MPPED2: variants seen among roughly 807,000 people sequenced by gnomAD.
MPPED2 encodes the protein metallophosphoesterase MPPED2.
In MPPED2, 5 loss-of-function variants were observed where a neutral mutation model predicts 33.0. That is an observed-to-expected ratio of 0.15 (90% CI 0.08 to 0.32). The LOEUF is 0.32. Among genes scored for constraint, MPPED2 ranks in the 10% least tolerant of loss-of-function variants. The pLI is 1.00. For missense variants in MPPED2, 275 were observed against 372.1 expected (o/e 0.74, Z 2.15); for synonymous variants, 136 against 141.9 (o/e 0.96, Z 0.29).
intron 4 of MPPED2, 53 bp from the exon 5 acceptor site, chr11:30,417,686 T>TGG: frequency 4.9e-6 from 5 of 1,016,808 alleles, no homozygotes; most frequent in Non-Finnish European, 7.8e-6. Flanking sequence ...ACGGCTCCGC[T>TGG]CTGCAATATT....
In MPPED2 at chr11:30,411,435, C is replaced by G. The variant is rs1948097107; in HGVS notation, c.*33G>C. On this transcript the variant is annotated 3_prime_UTR_variant, in exon 7 of 7. Coordinates refer to ENST00000358117, the MANE Select transcript of MPPED2 (RefSeq NM_001584.3). Reference sequence around the variant, plus strand: ...ATTAGAAAAATGGCAGTTTATAGACCTTCCCTCACATTCCAATAGGGCATT... The same window carrying G: ...ATTAGAAAAATGGCAGTTTATAGACGTTCCCTCACATTCCAATAGGGCATT... The G allele has an allele frequency of 6.3e-7, 1 of 1,594,694 alleles. No individual in the cohort carries two copies. The highest frequency in any genetic ancestry group is 1.3e-5 in the African/African-American group (1 of 74,580).
chr11:30,514,175 T>A (rs943415519), intron 3 of MPPED2, among the ~76,000 whole-genome samples: 2 of 152,288 alleles, frequency 1.3e-5, no homozygotes, highest in Middle Eastern at 3.4e-3. Context: ...GGTGAGGGTA[T>A]CTTGATTAGT....
chr11:30,432,716 G>C (rs1257272347), intron 4 of MPPED2, among the ~76,000 whole-genome samples: 4 of 152,074 alleles, frequency 2.6e-5, no homozygotes, highest in Non-Finnish European at 1.5e-5. Context: ...TATTTGAAGA[G>C]TAAAATAAAC....
At chr11:30,556,052 G>A (rs1335185282) in intron 2 of MPPED2, among the ~76,000 whole-genome samples, 1 of 152,090 alleles carries the variant, frequency 6.6e-6, no homozygotes, top group African/African-American at 2.4e-5. Context: ...TGTTCCTTCT[G>A]TAATTCCATG....
intron 4 of MPPED2, among the ~76,000 whole-genome samples, chr11:30,418,482 C>T (rs1209875143): frequency 2.0e-5 from 3 of 152,204 alleles, no homozygotes; most frequent in African/African-American, 7.2e-5. Flanking sequence ...ATCAATTTCT[C>T]TCTGCAAATA....
At chr11:30,508,221 C>T (rs576920931) in intron 3 of MPPED2, among the ~76,000 whole-genome samples, 1 of 152,012 alleles carries the variant, frequency 6.6e-6, no homozygotes, top group African/African-American at 2.4e-5. Context: ...AAGCAAGACA[C>T]AAAAATAAAT....
intron 4 of MPPED2, among the ~76,000 whole-genome samples, chr11:30,445,613 C>T (rs1188798417): frequency 1.3e-5 from 2 of 152,192 alleles, no homozygotes; most frequent in Admixed American, 1.3e-4. Context: ...ATGATAACCC[C>T]CTTCACCCCT....
chr11:30,546,565 T>C (rs1478744370), intron 2 of MPPED2, among the ~76,000 whole-genome samples: 3 of 152,320 alleles, frequency 2.0e-5, no homozygotes, highest in African/African-American at 7.2e-5. Context: ...TAATTGTGCT[T>C]ATTGGAAGTG....
chr11:30,396,687 C>T (rs2133702274), intron 6 of MPPED2, among the ~76,000 whole-genome samples: 1 of 152,206 alleles, frequency 6.6e-6, no homozygotes, highest in South Asian at 2.1e-4. Context: ...CCATTTGAAC[C>T]ATGAGTTTGA....
intron 4 of MPPED2, among the ~76,000 whole-genome samples, chr11:30,456,565 T>C (rs1950287390): frequency 6.6e-6 from 1 of 152,126 alleles, no homozygotes; most frequent in Non-Finnish European, 1.5e-5. Context: ...TGTGTGTGTG[T>C]CTGTGTGTGT....
At chr11:30,409,168 G>A (rs911806407), downstream of MPPED2, among the ~76,000 whole-genome samples, 1 of 152,126 alleles carries the variant, frequency 6.6e-6, no homozygotes, top group Non-Finnish European at 1.5e-5. Context: ...CTATCTCTGG[G>A]AGGCTTGTTT....
At chr11:30,536,966 C>T (rs1171317600) in intron 2 of MPPED2, among the ~76,000 whole-genome samples, 1 of 152,028 alleles carries the variant, frequency 6.6e-6, no homozygotes, top group East Asian at 1.9e-4. Flanking sequence ...TCTACATATA[C>T]GTTAATATAT....
At chr11:30,464,331 T>A (rs962744255) in intron 4 of MPPED2, among the ~76,000 whole-genome samples, 2 of 151,708 alleles carry the variant, frequency 1.3e-5, no homozygotes, top group Non-Finnish European at 2.9e-5. Flanking sequence ...ATTTCAATTT[T>A]AAAAAATTTA....
intron 3 of MPPED2, among the ~76,000 whole-genome samples, chr11:30,528,293 T>C (rs995674648): frequency 2.0e-5 from 3 of 152,186 alleles, no homozygotes; most frequent in African/African-American, 2.4e-5. Context: ...TCTCGCTCTG[T>C]TGCCCAGGCT....
In MPPED2 at chr11:30,522,580, C is replaced by T. The variant is rs1010610459; in HGVS notation, c.310+13414G>A. Among the ~76,000 whole-genome samples the T allele has an allele frequency of 2.6e-5, 4 of 152,138 alleles. No homozygotes were observed. The East Asian group carries it at 7.7e-4, about 29-fold the overall frequency. On this transcript the variant is annotated intron_variant, in intron 3 of 6. Transcript: ENST00000358117. ...TAATTAATCAATGGAGGCCGCCCAC[C>T]AGTGTGAGAAGTGCTGTCTACACAT...
intron 4 of MPPED2, among the ~76,000 whole-genome samples, chr11:30,448,862 G>A (rs1949927014): frequency 6.6e-6 from 1 of 151,880 alleles, no homozygotes; most frequent in African/African-American, 2.4e-5. Flanking sequence ...TCTCCATGTT[G>A]GTCAGGATCT....
chr11:30,486,205 C>T (rs1951735239), intron 4 of MPPED2, among the ~76,000 whole-genome samples: 1 of 152,166 alleles, frequency 6.6e-6, no homozygotes, highest in Non-Finnish European at 1.5e-5. Flanking sequence ...ACAGAAGCAG[C>T]TAAGGCTGGA....
chr11:30,412,463 C>T (rs185379563), intron 6 of MPPED2, among the ~76,000 whole-genome samples: 2 of 151,872 alleles, frequency 1.3e-5, no homozygotes, highest in Admixed American at 6.6e-5. Flanking sequence ...AGGCTCTTAT[C>T]GCATATAAAA....
chr11:30,481,462 G>A (rs2077905978), intron 4 of MPPED2, among the ~76,000 whole-genome samples: 1 of 152,128 alleles, frequency 6.6e-6, no homozygotes, highest in African/African-American at 2.4e-5. Flanking sequence ...GCCTGACAAG[G>A]AGAACACATT....
Sources: allele counts gnomAD v4.1 joint callset (sites outside exome capture counted in the v4.1 genomes callset), GRCh38; gene constraint gnomAD v4.1.1; transcripts MANE v1.5; gene names NCBI Gene and HGNC (gene_info 2026-07-23, HGNC 2026-07-21).